Variants in WNT7A observed in about 807,000 individuals in gnomAD.
WNT7A encodes Wnt family member 7A.
A neutral mutation model predicts 28.2 loss-of-function variants in WNT7A; 16 were observed. The observed-to-expected ratio is 0.57, with a 90% CI of 0.38 to 0.86. The LOEUF is 0.86. Among genes scored for constraint, WNT7A ranks in the 40% least tolerant of loss-of-function variants. WNT7A has a pLI of 0.00. For synonymous variants in WNT7A, 190 were observed against 195.9 expected (o/e 0.97, Z 0.25); for missense variants, 411 against 489.7 (o/e 0.84, Z 1.52).
At position 13,819,102 on chromosome 3, in the gene WNT7A, C is replaced by A; in HGVS notation, c.892G>T (p.Ala298Ser). ...GTQGRACNKT[A>S]PQASGCDLMC... ...AGGTCACAGCCGCTGGCCTGGGGAG[C>A]CGTCTTGTTGCAGGCGCGGCCCTGG... Residue 298 changes from alanine (A) to serine (S), a missense_variant, in exon 4 of 4, where the codon GCT becomes TCT. Physicochemically the swap from Ala to Ser is moderately conservative, Grantham distance 99 (BLOSUM62 1). Coordinates refer to ENST00000285018, the MANE Select transcript of WNT7A (RefSeq NM_004625.4). The A allele has an allele frequency of 6.2e-7, 1 of 1,614,116 alleles. No homozygotes were observed. Among genetic ancestry groups the A allele is most frequent in the Non-Finnish European group, 8.5e-7 (1 of 1,180,000 alleles).
At chr3:13,829,930 A>T (rs915254215) in intron 3 of WNT7A, among the ~76,000 whole-genome samples, 2 of 151,684 alleles carry the variant, frequency 1.3e-5, no homozygotes, top group East Asian at 1.9e-4. Context: ...ACCCAGGTCA[A>T]CTCACCCCAG....
intron 2 of WNT7A, among the ~76,000 whole-genome samples, chr3:13,856,942 A>AAGGAGAAGGAGAAGGAGAAGG (rs1559303305): frequency 8.9e-6 from 1 of 112,704 alleles, no homozygotes; most frequent in African/African-American, 4.5e-5. Flanking sequence ...GAAGAAGAAG[A>AAGGAGAAGGAGAAGGAGAAGG]AGAAGAAGAA....
intron 3 of WNT7A, among the ~76,000 whole-genome samples, chr3:13,827,706 G>A (rs1033612059): frequency 2.0e-5 from 3 of 152,088 alleles, no homozygotes; most frequent in African/African-American, 7.2e-5. Context: ...CATGCCACAT[G>A]GTGCTCCTAT....
At chr3:13,854,244 T>G (rs1321676629) in intron 3 of WNT7A, among the ~76,000 whole-genome samples, 2 of 152,070 alleles carry the variant, frequency 1.3e-5, no homozygotes, top group African/African-American at 4.8e-5. Context: ...AAGGCTAATT[T>G]GGTCCCTCCC....
intron 3 of WNT7A, among the ~76,000 whole-genome samples, chr3:13,839,722 T>C (rs1225464287): frequency 6.6e-6 from 1 of 152,204 alleles, no homozygotes; most frequent in Non-Finnish European, 1.5e-5. Flanking sequence ...TCTTTTTCTC[T>C]CTGAAAACTT....
intron 3 of WNT7A, among the ~76,000 whole-genome samples, chr3:13,845,614 C>G (rs779887848): frequency 3.3e-5 from 5 of 152,166 alleles, no homozygotes; most frequent in African/African-American, 9.7e-5. Flanking sequence ...AGCTAGCAAG[C>G]AGCAAAGCCA....
At position 13,829,593 on chromosome 3, in the gene WNT7A, T is replaced by A. The variant is rs1694245817; in HGVS notation, c.571-10170A>T. Reference sequence around the variant, plus strand: ...AGCCATCGGATGGAGGTCCTGCTTCTGTCTGTACACTGCTATGTGCCTGCA... The same window carrying A: ...AGCCATCGGATGGAGGTCCTGCTTCAGTCTGTACACTGCTATGTGCCTGCA... On this transcript the variant is annotated intron_variant, in intron 3 of 3. Coordinates refer to ENST00000285018, the MANE Select transcript of WNT7A (RefSeq NM_004625.4). Among the ~76,000 whole-genome samples the A allele has an allele frequency of 2.0e-5, 3 of 152,286 alleles. No homozygotes were observed. The South Asian group carries it at 6.2e-4, about 32-fold the overall frequency.
chr3:13,861,749 C>T (rs1694835567), intron 2 of WNT7A, among the ~76,000 whole-genome samples: 2 of 152,144 alleles, frequency 1.3e-5, no homozygotes, highest in Admixed American at 1.3e-4. Context: ...TTCCTCTCCC[C>T]AGAATCAGAG....
chr3:13,846,692 C>T (rs1011772832), intron 3 of WNT7A, among the ~76,000 whole-genome samples: 4 of 152,164 alleles, frequency 2.6e-5, no homozygotes, highest in Non-Finnish European at 4.4e-5. Context: ...ACTTGAGCTG[C>T]CTTTTCCCCA....
At chr3:13,829,366 G>A (rs906557442) in intron 3 of WNT7A, among the ~76,000 whole-genome samples, 2 of 152,206 alleles carry the variant, frequency 1.3e-5, no homozygotes, top group East Asian at 1.9e-4. Flanking sequence ...TTTGTTCCTC[G>A]TTGTAAAGTA....
intron 3 of WNT7A, among the ~76,000 whole-genome samples, chr3:13,836,875 C>A (rs376870462): frequency 2.0e-3 from 304 of 152,246 alleles, no homozygotes; most frequent in African/African-American, 6.9e-3. Flanking sequence ...ACCAAGGGAG[C>A]GGGTGTGGGT....
intron 3 of WNT7A, among the ~76,000 whole-genome samples, chr3:13,837,529 T>C (rs2124842103): frequency 7.5e-6 from 1 of 134,192 alleles, no homozygotes; most frequent in South Asian, 2.8e-4. Flanking sequence ...GCAAGCATTT[T>C]CTGGGTGAGT....
intron 3 of WNT7A, among the ~76,000 whole-genome samples, chr3:13,822,652 T>A (rs1054399173): frequency 1.3e-5 from 2 of 152,236 alleles, no homozygotes; most frequent in African/African-American, 4.8e-5. Flanking sequence ...GTTGCACATA[T>A]CTGTGAATAT....
chr3:13,856,963 A>ACGAAGAAGAAGAAGAAGAAGG (rs1694752986), intron 2 of WNT7A, among the ~76,000 whole-genome samples: 1 of 115,306 alleles, frequency 8.7e-6, no homozygotes, highest in Non-Finnish European at 1.7e-5. Flanking sequence ...GAAGAAGAAG[A>ACGAAGAAGAAGAAGAAGAAGG]AGAAGGAGAA....
chr3:13,874,856 G>T, intron 2 of WNT7A, 91 bp downstream of exon 2: 1 of 1,282,538 alleles, frequency 7.8e-7, no homozygotes, highest in Non-Finnish European at 1.1e-6. Flanking sequence ...TCTAGCAGGG[G>T]CAGGTGAGGG....
chr3:13,853,882 G>A (rs1253849870), intron 3 of WNT7A, among the ~76,000 whole-genome samples: 2 of 152,246 alleles, frequency 1.3e-5, no homozygotes, highest in African/African-American at 4.8e-5. Context: ...AAGGAAGTGA[G>A]GGCTTCAAGG....
chr3:13,871,075 C>T (rs1305422762), intron 2 of WNT7A, among the ~76,000 whole-genome samples: 1 of 152,232 alleles, frequency 6.6e-6, no homozygotes, highest in East Asian at 1.9e-4. Flanking sequence ...ACTCTGAATA[C>T]AAGATTACGC....
intron 2 of WNT7A, among the ~76,000 whole-genome samples, chr3:13,872,821 A>G (rs1695046220): frequency 6.6e-6 from 1 of 152,112 alleles, no homozygotes; most frequent in South Asian, 2.1e-4. Flanking sequence ...ATGCCAGTTG[A>G]TATACTGACT....
intron 2 of WNT7A, among the ~76,000 whole-genome samples, chr3:13,863,397 A>AGT (rs1434684398): frequency 4.2e-4 from 40 of 94,248 alleles, no homozygotes; most frequent in African/African-American, 8.5e-4. Flanking sequence ...TGTGAAAGCA[A>AGT]GTGTGTGTGT....
Sources: allele counts gnomAD v4.1 joint callset (sites outside exome capture counted in the v4.1 genomes callset), GRCh38; gene constraint gnomAD v4.1.1; transcripts MANE v1.5; gene names NCBI Gene and HGNC (gene_info 2026-07-23, HGNC 2026-07-21).